SRCAP: variants seen among roughly 807,000 people sequenced by gnomAD.
The protein encoded by SRCAP is Snf2 related CREBBP activator protein, also known as chromatin remodeling protein SRCAP.
SRCAP carries 46 observed loss-of-function variants against 263.1 expected under a neutral mutation model. That is an observed-to-expected ratio of 0.17 (90% confidence interval 0.14 to 0.22). SRCAP has a LOEUF of 0.22. SRCAP is among the 10% of genes least tolerant of loss of function. The pLI, the probability that SRCAP is intolerant of heterozygous loss-of-function variation, is 1.00. For synonymous variants in SRCAP, 1,813 were observed against 1,662.1 expected (o/e 1.09, Z -2.21); for missense variants, 3,695 against 4,181.9 (o/e 0.88, Z 3.21).
intron 9 of SRCAP, 70 bp from the exon 10 acceptor site, chr16:30,710,929 G>A: frequency 1.3e-6 from 2 of 1,598,664 alleles, no homozygotes; most frequent in Non-Finnish European, 1.7e-6. Flanking sequence ...TTTCTCATCT[G>A]TTTCATTTGG....
intron 18 of SRCAP, among the ~76,000 whole-genome samples, 169 bp downstream of exon 18, chr16:30,716,648 A>G (rs2052954091): frequency 6.6e-6 from 1 of 152,130 alleles, no homozygotes; most frequent in African/African-American, 2.4e-5. Context: ...TCAACTTAAT[A>G]TTTTTTTGAC....
At chr16:30,706,858 G>T (rs993032591) in intron 4 of SRCAP, among the ~76,000 whole-genome samples, 5 of 152,244 alleles carry the variant, frequency 3.3e-5, no homozygotes, top group African/African-American at 1.2e-4. Flanking sequence ...TGTCTATGGG[G>T]TGTGGAGATT....
At chr16:30,710,928 T>C in intron 9 of SRCAP, 71 bp from the exon 10 acceptor site, 1 of 1,597,574 alleles carries the variant, frequency 6.3e-7, no homozygotes, top group Non-Finnish European at 8.6e-7. Context: ...CTTTCTCATC[T>C]GTTTCATTTG....
At chr16:30,717,588 G>A (rs1176027384) in intron 18 of SRCAP, among the ~76,000 whole-genome samples, 2 of 149,836 alleles carry the variant, frequency 1.3e-5, no homozygotes, top group African/African-American at 4.9e-5. Flanking sequence ...CTGGGACCAC[G>A]GGTATGCGCT....
intron 9 of SRCAP, 38 bp downstream of exon 9, chr16:30,710,885 C>G (rs1182393643): frequency 1.2e-6 from 2 of 1,608,922 alleles, no homozygotes; most frequent in Non-Finnish European, 1.7e-6. Context: ...CCCCTTACCC[C>G]TTGAATGAAT....
intron 3 of SRCAP, among the ~76,000 whole-genome samples, chr16:30,702,147 T>C (rs2052773820): frequency 6.7e-6 from 1 of 149,408 alleles, no homozygotes. Context: ...AGAGATGGGG[T>C]TTCACCATGT....
chr16:30,707,815 C>T, intron 6 of SRCAP, 103 bp downstream of exon 6: 1 of 1,426,974 alleles, frequency 7.0e-7, no homozygotes, highest in Non-Finnish European at 9.6e-7. Context: ...AATATAATTT[C>T]AGGCAACTCT....
Position 30,720,922 on chromosome 16 carries a change from C to G in SRCAP, c.3197C>G (p.Pro1066Arg). Residue 1066 changes from proline to arginine, a missense_variant, in exon 20 of 34, where the codon CCT becomes CGT. Transcript: ENST00000262518. The stretch of plus-strand genomic sequence containing the variant: ...CCCCCGCTTATTCCTGCATCTCGGC[C>G]TCCTGGCCCTGTCCTCTTGCCTCCA... ...AGPPLIPASRPPGPVLLPPLQ... is the reference protein window; with the variant it reads ...AGPPLIPASRRPGPVLLPPLQ... 3 of 1,613,962 alleles carry G rather than the reference C, an allele frequency of 1.9e-6. No homozygotes were observed. The highest frequency in any genetic ancestry group is 2.5e-6 in the Non-Finnish European group (3 of 1,179,920).
Position 30,734,491 on chromosome 16 carries a change from G to A in SRCAP, c.6610-5G>A, listed in dbSNP as rs973865081. ...TCTGACACTTCCCTCTGTTCTATCC[G>A]ATAGCAGACCATCCGAGAGCTGTTT... On this transcript the variant is annotated splice_region_variant and splice_polypyrimidine_tract_variant and intron_variant, in intron 30 of 33. Transcript: ENST00000262518. 4.3e-6 allele frequency: 7 copies of A among 1,613,760 alleles called. No individual in the cohort carries two copies. Among genetic ancestry groups the A allele is most frequent in the Middle Eastern group, 1.6e-4 (1 of 6,084 alleles).
At chr16:30,727,987 T>A (rs529879295) in intron 25 of SRCAP, among the ~76,000 whole-genome samples, 20 of 152,324 alleles carry the variant, frequency 1.3e-4, no homozygotes, top group Admixed American at 9.8e-4. Flanking sequence ...TGGCCAGATT[T>A]TCTCTTTTTG....
At chr16:30,722,780 G>T in intron 23 of SRCAP, 32 bp downstream of exon 23, 1 of 1,589,398 alleles carries the variant, frequency 6.3e-7, no homozygotes, top group Non-Finnish European at 8.6e-7. Context: ...CTTAGCCCTT[G>T]CTGGCCTTGG....
chr16:30,703,099 G>A (rs1043779360), intron 3 of SRCAP, among the ~76,000 whole-genome samples: 1 of 151,642 alleles, frequency 6.6e-6, no homozygotes, highest in South Asian at 2.1e-4. Context: ...AGTTGTTTAT[G>A]TGCATGAAAT....
Position 30,736,253 on chromosome 16 carries a change from G to A in SRCAP, c.6783G>A (p.Lys2261=). 6.2e-7 allele frequency: 1 copy of A among 1,614,154 alleles called. No individual in the cohort carries two copies. The change falls in exon 32 of 34, where the codon AAG becomes AAA. Residue 2261 remains lysine (K), a synonymous_variant. Transcript: ENST00000262518. ...EEDIRAATQA[K]AEQVAELAEF... ...ATATCCGTGCAGCCACCCAGGCCAA[G>A]GCTGAACAGGTGGCTGAGCTTGCAG...
At chr16:30,707,447 G>T in intron 5 of SRCAP, 79 bp downstream of exon 5, 1 of 1,602,224 alleles carries the variant, frequency 6.2e-7, no homozygotes, top group Non-Finnish European at 8.5e-7. Context: ...GGACCAGACA[G>T]AATGGTGTAG....
chr16:30,738,995 C>T lies in SRCAP; in HGVS notation c.8955C>T (p.Pro2985=), dbSNP rs754220143. Residue 2985 remains proline (P), a synonymous_variant, in exon 34 of 34, where the codon CCC becomes CCT. Coordinates refer to ENST00000262518, the MANE Select transcript of SRCAP (RefSeq NM_006662.3). Reference sequence around the variant, plus strand: ...CACTCCCACCACTGCTAGTTTGTCCCACTGCTACTGTTGCCAACACTGTCA... The same window carrying T: ...CACTCCCACCACTGCTAGTTTGTCCTACTGCTACTGTTGCCAACACTGTCA... ...LTPLPPLLVC[P]TATVANTVTT... 4.1e-5 allele frequency: 66 copies of T among 1,613,912 alleles called. No homozygotes were observed. Among genetic ancestry groups the T allele is most frequent in the Non-Finnish European group, 5.2e-5 (61 of 1,179,970 alleles).
chr16:30,705,071 C>T (rs1038904141), intron 4 of SRCAP, among the ~76,000 whole-genome samples: 1 of 152,054 alleles, frequency 6.6e-6, no homozygotes. Flanking sequence ...GAGGCCGAGG[C>T]GGGTGGATCA....
In SRCAP at chr16:30,704,739, G is replaced by T. The variant is rs147160619; in HGVS notation, c.306+424G>T. On this transcript the variant is annotated intron_variant, in intron 4 of 33. Coordinates refer to ENST00000262518, the MANE Select transcript of SRCAP (RefSeq NM_006662.3). ...CTGTAGCAGTCGCAGCCACCCAGGA[G>T]CCTGAGTTGAGAGGATCACCTGAGC... Among the ~76,000 whole-genome samples the T allele has an allele frequency of 1.5e-3, 228 of 152,178 alleles. 7 individuals are homozygous for T. The highest frequency in any genetic ancestry group is 5.1e-3 in the African/African-American group (210 of 41,522).
chr16:30,709,475 G>C (rs1301288506), intron 6 of SRCAP, 38 bp from the exon 7 acceptor site: 3 of 1,606,712 alleles, frequency 1.9e-6, no homozygotes, highest in South Asian at 2.2e-5. Context: ...AAATAAAATG[G>C]TTATCTTGGT....
chr16:30,703,303 C>G (rs980629012), intron 3 of SRCAP, among the ~76,000 whole-genome samples: 1 of 151,082 alleles, frequency 6.6e-6, no homozygotes, highest in Admixed American at 6.6e-5. Context: ...AAGCGATTCT[C>G]GTGCCTCAAC....
Sources: allele counts gnomAD v4.1 joint callset (sites outside exome capture counted in the v4.1 genomes callset), GRCh38; gene constraint gnomAD v4.1.1; transcripts MANE v1.5; gene names NCBI Gene and HGNC (gene_info 2026-07-23, HGNC 2026-07-21).